PMPCA: variants seen among roughly 807,000 people sequenced by gnomAD.
The protein encoded by PMPCA is peptidase, mitochondrial processing subunit alpha.
In PMPCA, 47 loss-of-function variants were observed where a neutral mutation model predicts 59.3. The observed-to-expected ratio is 0.79, with a 90% confidence interval of 0.63 to 1.01. The LOEUF is 1.01. PMPCA is among the 50% of genes least tolerant of loss of function. PMPCA has a pLI of 0.00. For missense variants in PMPCA, 726 were observed against 704.5 expected, an observed-to-expected ratio of 1.03 and a Z score of -0.34; for synonymous variants, 338 against 290.3, an observed-to-expected ratio of 1.16 and a Z score of -1.67.
At chr9:136,418,230 TC>T in intron 8 of PMPCA, 121 bp downstream of exon 8, 1 of 749,462 alleles carries the variant, frequency 1.3e-6, no homozygotes, top group Non-Finnish European at 2.4e-6. Context: ...CTCAGCCAGC[TC>T]TGCCCTCTGT....
At chr9:136,411,944 C>T (rs1835133202) in intron 1 of PMPCA, 53 bp from the exon 2 acceptor site, 10 of 1,050,760 alleles carry the variant, frequency 9.5e-6, no homozygotes, top group Non-Finnish European at 1.2e-5. Context: ...AACAGGTCAT[C>T]ACAGGTTTGT....
Position 136,412,081 on chromosome 9 carries a change from C to T in PMPCA, c.156C>T (p.Pro52=), listed in dbSNP as rs756453022. 3 of 1,612,938 alleles carry T rather than the reference C, an allele frequency of 1.9e-6. No homozygotes were observed. Among genetic ancestry groups the T allele is most frequent in the East Asian group, 2.2e-5 (1 of 44,888 alleles). The change falls in exon 2 of 13, where the codon CCC becomes CCT. Residue 52 remains proline, a synonymous_variant. Transcript: ENST00000371717. ...TCTCTTCTCCCTTACCTGGAGTACC[C>T]AAGCCTGTTTTTGCTACAGTTGATG... ...IPLSSPLPGV[P]KPVFATVDGQ...
At chr9:136,415,528 A>G (rs1043693106) in intron 5 of PMPCA, among the ~76,000 whole-genome samples, 6 of 152,204 alleles carry the variant, frequency 3.9e-5, no homozygotes, top group Non-Finnish European at 8.8e-5. Flanking sequence ...CAGATACCCT[A>G]AGGGTGCAGT....
chr9:136,412,975 C>G (rs1310570250), intron 4 of PMPCA, 83 bp downstream of exon 4: 1 of 835,490 alleles, frequency 1.2e-6, no homozygotes, highest in East Asian at 2.5e-5. Context: ...CTCTGAGCCC[C>G]TCCCAGCGGG....
At chr9:136,416,448 C>T in intron 6 of PMPCA, 57 bp downstream of exon 6, 1 of 1,226,752 alleles carries the variant, frequency 8.2e-7, no homozygotes, top group Non-Finnish European at 1.2e-6. Flanking sequence ...CTCGGGACAC[C>T]AGGGGTGGTG....
intron 3 of PMPCA, 65 bp downstream of exon 3, chr9:136,412,634 C>G (rs980696779): frequency 1.2e-5 from 10 of 869,366 alleles, no homozygotes; most frequent in African/African-American, 1.0e-4. Flanking sequence ...TTTTTCTTGT[C>G]TATAATGGTT....
At position 136,419,557 on chromosome 9, in the gene PMPCA, T is replaced by C. The variant is rs534929060; in HGVS notation, c.1263+451T>C. 75 of 229,058 alleles carry C rather than the reference T, an allele frequency of 3.3e-4. No homozygotes were observed. The South Asian group carries it at 4.8e-3, about 15-fold the overall frequency. The allele number at this position is 229,058 out of a possible 1,614,324, so 14.2% of individuals were successfully genotyped here. On this transcript the variant is annotated intron_variant, in intron 11 of 12. Coordinates refer to ENST00000371717, the MANE Select transcript of PMPCA (RefSeq NM_015160.3). ...CGAGCCTTTCCCTGGCTCCATTCTA[T>C]GTTTGAAACTGTATTTGTTTACCAA...
At chr9:136,421,404 GTTTTTTTTTTTT>G (rs57128281) in intron 11 of PMPCA, among the ~76,000 whole-genome samples, 2 of 118,002 alleles carry the variant, frequency 1.7e-5, no homozygotes, top group African/African-American at 3.1e-5. Flanking sequence ...CTGGGTTCCC[GTTTTTTTTTTTT>G]TTTTTTTTTT....
chr9:136,412,368 A>G (rs1835154258), intron 2 of PMPCA, 122 bp from the exon 3 acceptor site: 7 of 752,600 alleles, frequency 9.3e-6, no homozygotes, highest in Non-Finnish European at 1.2e-5. Context: ...AACCATCAGC[A>G]CAATCACCCT....
chr9:136,411,933 T>C (rs1224225193), intron 1 of PMPCA, 64 bp from the exon 2 acceptor site: 1 of 921,340 alleles, frequency 1.1e-6, no homozygotes. Flanking sequence ...TAACCGCACC[T>C]AACAGGTCAT....
At chr9:136,422,041 C>G (rs540666048) in intron 12 of PMPCA, 65 bp downstream of exon 12, 1 of 1,556,500 alleles carries the variant, frequency 6.4e-7, no homozygotes, top group South Asian at 1.2e-5. Flanking sequence ...GAGGCCGTCT[C>G]GCCCTCCCGC....
At chr9:136,412,402 T>C in intron 2 of PMPCA, 88 bp from the exon 3 acceptor site, 1 of 781,252 alleles carries the variant, frequency 1.3e-6, no homozygotes, top group Non-Finnish European at 2.2e-6. Flanking sequence ...CTGATTATCA[T>C]GTCATATTGA....
chr9:136,411,735 A>T (rs1015347708), intron 1 of PMPCA, among the ~76,000 whole-genome samples: 1 of 152,248 alleles, frequency 6.6e-6, no homozygotes, highest in African/African-American at 2.4e-5. Context: ...AACTGCACTT[A>T]GAGTGAGTTA....
chr9:136,417,069 T>C lies in PMPCA; in HGVS notation c.752T>C (p.Met251Thr). ...YLRNYYTPDR[M>T]VLAGVGVEHE... is the part of the protein sequence containing the mutation. The stretch of plus-strand genomic sequence containing the variant: ...AGGAACTACTACACTCCCGACCGCA[T>C]GGTGCTGGCCGGCGTGGGCGTGGAG... Residue 251 changes from methionine (M) to threonine (T), a missense_variant, in exon 7 of 13, where the codon ATG becomes ACG. Met to Thr is a moderately conservative substitution (Grantham distance 81). Coordinates refer to ENST00000371717, the MANE Select transcript of PMPCA (RefSeq NM_015160.3). 6.2e-7 allele frequency: 1 copy of C among 1,613,958 alleles called. No homozygotes were observed. The highest frequency in any genetic ancestry group is 8.5e-7 in the Non-Finnish European group (1 of 1,180,010).
At chr9:136,419,568 G>C (rs1835389029) in intron 11 of PMPCA, 1 of 204,554 alleles carries the variant, frequency 4.9e-6, no homozygotes, top group South Asian at 8.4e-5. Context: ...GTTTGAAACT[G>C]TATTTGTTTA....
intron 11 of PMPCA, chr9:136,419,356 G>C: frequency 3.4e-6 from 2 of 584,172 alleles, no homozygotes; most frequent in Non-Finnish European, 6.2e-6. Context: ...CCCTCCCCCA[G>C]TGCTCGGTCC....
At chr9:136,410,862 C>T in intron 1 of PMPCA, 123 bp downstream of exon 1, 1 of 809,182 alleles carries the variant, frequency 1.2e-6, no homozygotes, top group East Asian at 3.3e-5. Flanking sequence ...CTTCGGGACA[C>T]TGGTGTCCCC....
At chr9:136,419,181 C>G in intron 11 of PMPCA, 75 bp downstream of exon 11, 1 of 1,303,434 alleles carries the variant, frequency 7.7e-7, no homozygotes, top group South Asian at 1.2e-5. Flanking sequence ...TAGGAGTGGC[C>G]ACCTGTGGGC....
rs758039713 is a variant in PMPCA, at chr9:136,421,987, C to T, written c.1408+11C>T. Reference sequence around the variant, plus strand: ...TGTGCACGCTCATCCGTGAGTACCGCAGGGGTAGTGAGGGGCTGCCGCAGG... The same window carrying T: ...TGTGCACGCTCATCCGTGAGTACCGTAGGGGTAGTGAGGGGCTGCCGCAGG... On this transcript the variant is annotated intron_variant, in intron 12 of 12. Transcript: ENST00000371717. 1.6e-5 allele frequency: 25 copies of T among 1,603,444 alleles called. No homozygotes were observed. The highest frequency in any genetic ancestry group is 3.5e-5 in the Admixed American group (2 of 57,780).
Sources: allele counts gnomAD v4.1 joint callset (sites outside exome capture counted in the v4.1 genomes callset), GRCh38; gene constraint gnomAD v4.1.1; transcripts MANE v1.5; gene names NCBI Gene and HGNC (gene_info 2026-07-23, HGNC 2026-07-21).